Variants in CCSER1 observed in about 807,000 individuals in gnomAD.
The protein encoded by CCSER1 is serine-rich coiled-coil domain-containing protein 1.
A neutral mutation model predicts 82.0 loss-of-function variants in CCSER1; 41 were observed. The observed-to-expected ratio is 0.50, with a 90% CI of 0.39 to 0.65. The LOEUF (loss-of-function observed/expected upper bound fraction) is 0.65. Among genes scored for constraint, CCSER1 ranks in the 30% least tolerant of loss-of-function variants. The pLI is 0.00. For synonymous variants in CCSER1, 414 were observed against 383.9 expected (o/e 1.08, Z -0.92); for missense variants, 1,119 against 1,064.2 (o/e 1.05, Z -0.72).
intron 10 of CCSER1, among the ~76,000 whole-genome samples, chr4:91,305,234 C>G (rs1434969391): frequency 6.6e-6 from 1 of 151,942 alleles, no homozygotes; most frequent in Non-Finnish European, 1.5e-5. Flanking sequence ...CACAATTTAA[C>G]ATTTCATTCA....
chr4:90,963,257 G>C (rs1005150878), intron 9 of CCSER1, among the ~76,000 whole-genome samples: 1 of 152,108 alleles, frequency 6.6e-6, no homozygotes, highest in African/African-American at 2.4e-5. Flanking sequence ...ATAGCATCTT[G>C]AATCTCCGAG....
At chr4:90,137,339 T>G (rs879893377) in intron 1 of CCSER1, among the ~76,000 whole-genome samples, 10 of 152,178 alleles carry the variant, frequency 6.6e-5, no homozygotes, top group South Asian at 4.1e-4. Flanking sequence ...ATTGGAGAGA[T>G]AGCTTCATTA....
chr4:91,086,442 T>C (rs1035804492), intron 10 of CCSER1, among the ~76,000 whole-genome samples: 33 of 151,988 alleles, frequency 2.2e-4, no homozygotes, highest in Non-Finnish European at 2.4e-4. Flanking sequence ...TATTAGAGAG[T>C]ATGAAGTTGC....
chr4:90,855,000 T>TGC (rs957452794), intron 8 of CCSER1, among the ~76,000 whole-genome samples: 4 of 151,864 alleles, frequency 2.6e-5, no homozygotes, highest in African/African-American at 9.7e-5. Flanking sequence ...TGTGTGTGTG[T>TGC]GTGCGAGAGA....
intron 10 of CCSER1, among the ~76,000 whole-genome samples, chr4:91,383,061 T>G (rs1751036142): frequency 6.6e-6 from 1 of 152,084 alleles, no homozygotes. Flanking sequence ...AACATAATGA[T>G]ATTACACATT....
chr4:90,933,927 T>G (rs973247037), intron 9 of CCSER1, among the ~76,000 whole-genome samples: 2 of 151,832 alleles, frequency 1.3e-5, no homozygotes, highest in African/African-American at 2.4e-5. Context: ...TTGTTTTAAA[T>G]TTTCTCCTAC....
At chr4:91,355,196 A>C (rs1162133836) in intron 10 of CCSER1, among the ~76,000 whole-genome samples, 2 of 88,162 alleles carry the variant, frequency 2.3e-5, no homozygotes, top group Admixed American at 2.3e-4. Flanking sequence ...TTTTTGACAG[A>C]TATACTTTTT....
intron 8 of CCSER1, among the ~76,000 whole-genome samples, chr4:90,851,455 A>G (rs1162703288): frequency 1.1e-5 from 1 of 87,224 alleles, no homozygotes; most frequent in Admixed American, 1.9e-4. Context: ...CCTGAAGTAC[A>G]TGGGGAGGGG....
chr4:90,853,535 G>A (rs1231734973), intron 8 of CCSER1, among the ~76,000 whole-genome samples: 1 of 151,700 alleles, frequency 6.6e-6, no homozygotes, highest in Admixed American at 6.6e-5. Context: ...CTTTTCACTG[G>A]GTCATCTTGT....
At chr4:90,510,802 G>A (rs1456582087) in intron 5 of CCSER1, among the ~76,000 whole-genome samples, 1 of 152,172 alleles carries the variant, frequency 6.6e-6, no homozygotes, top group East Asian at 1.9e-4. Context: ...GATAGGCCCA[G>A]CAGTAGAAAA....
chr4:91,458,123 T>C lies in CCSER1; in HGVS notation c.2218-140449T>C, dbSNP rs528380288. ...TTCTCCAATTTTTTTCTTTTAGAAG[T>C]TTTATAGTTTTGAGTCTAAGTCTTT... On this transcript the variant is annotated intron_variant, in intron 10 of 10. Coordinates refer to ENST00000509176, the MANE Select transcript of CCSER1 (RefSeq NM_001145065.2). Among the ~76,000 whole-genome samples the C allele has an allele frequency of 6.2e-4, 95 of 152,204 alleles. 2 individuals are homozygous for C. In the South Asian group the frequency reaches 0.014, roughly 22 times the overall value.
chr4:91,219,112 A>G (rs1387332098), intron 10 of CCSER1, among the ~76,000 whole-genome samples: 2 of 152,136 alleles, frequency 1.3e-5, no homozygotes, highest in Admixed American at 1.3e-4. Context: ...TTTTGGTTTA[A>G]GCTAATTTGA....
chr4:90,740,330 C>G (rs142917540), intron 7 of CCSER1, among the ~76,000 whole-genome samples: 154 of 152,070 alleles, frequency 1.0e-3, no homozygotes, highest in African/African-American at 3.3e-3. Flanking sequence ...TATTATTTGA[C>G]TATTGCAGAC....
At chr4:91,324,963 G>T in intron 10 of CCSER1, 1 of 321,016 alleles carries the variant, frequency 3.1e-6, no homozygotes, top group Non-Finnish European at 6.1e-6. Flanking sequence ...TGAAGGTGGG[G>T]CCTGGTGGGA....
At chr4:90,170,471 G>T (rs1731436250) in intron 1 of CCSER1, among the ~76,000 whole-genome samples, 1 of 149,812 alleles carries the variant, frequency 6.7e-6, no homozygotes. Context: ...AAATATTTCT[G>T]ATTTATTCTA....
At chr4:90,219,428 T>C (rs1741713699) in intron 1 of CCSER1, among the ~76,000 whole-genome samples, 3 of 152,192 alleles carry the variant, frequency 2.0e-5, no homozygotes, top group Admixed American at 1.3e-4. Context: ...AATATTTATC[T>C]TGAACGGTGT....
chr4:90,212,959 G>C lies in CCSER1; in HGVS notation c.-42+85128G>C, dbSNP rs555889910. On this transcript the variant is annotated intron_variant, in intron 1 of 10. Coordinates refer to ENST00000509176, the MANE Select transcript of CCSER1 (RefSeq NM_001145065.2). ...TGTAGCAGAGTGGTTAAGAGGGAGA[G>C]TAATGGCAGATGAGGCCTAACATGT... Among the ~76,000 whole-genome samples, 74 of 152,282 alleles carry C rather than the reference G, an allele frequency of 4.9e-4. No individual in the cohort carries two copies. The South Asian group carries it at 0.015, about 32-fold the overall frequency.
intron 7 of CCSER1, among the ~76,000 whole-genome samples, chr4:90,732,481 G>A (rs1561035959): frequency 6.6e-6 from 1 of 152,096 alleles, no homozygotes; most frequent in Non-Finnish European, 1.5e-5. Flanking sequence ...TATCATGTAG[G>A]AACCCTGTAC....
chr4:90,583,000 A>G (rs937195669), intron 5 of CCSER1, among the ~76,000 whole-genome samples: 2 of 152,174 alleles, frequency 1.3e-5, no homozygotes, highest in Admixed American at 1.3e-4. Flanking sequence ...TCTTAAATAC[A>G]TTCAGTTTGT....
Sources: allele counts gnomAD v4.1 joint callset (sites outside exome capture counted in the v4.1 genomes callset), GRCh38; gene constraint gnomAD v4.1.1; transcripts MANE v1.5; gene names NCBI Gene and HGNC (gene_info 2026-07-23, HGNC 2026-07-21).